Variants in ATRNL1 observed in about 807,000 individuals in gnomAD.
The protein encoded by ATRNL1 is attractin like 1, also known as attractin-like protein 1.
Under a neutral mutation model 182.7 loss-of-function variants are expected in ATRNL1, and 95 were observed. The ratio of observed to expected loss-of-function variants is 0.52; its 90% CI spans 0.44 to 0.62. The LOEUF (loss-of-function observed/expected upper bound fraction) is 0.62, where lower values mean the gene tolerates loss of function less well. ATRNL1 is among the 20% of genes least tolerant of loss of function. The pLI is 0.00. For synonymous variants in ATRNL1, 576 were observed against 568.3 expected (o/e 1.01, Z -0.19); for missense variants, 1,471 against 1,679.5 (o/e 0.88, Z 2.17).
chr10:115,832,214 T>A (rs143710234), intron 27 of ATRNL1, among the ~76,000 whole-genome samples: 1 of 152,294 alleles, frequency 6.6e-6, no homozygotes, highest in East Asian at 1.9e-4. Context: ...CAGAAAGCTA[T>A]CAAATAGCCA....
chr10:115,345,705 A>G (rs1269131850), intron 19 of ATRNL1, among the ~76,000 whole-genome samples: 2 of 151,990 alleles, frequency 1.3e-5, no homozygotes, highest in Non-Finnish European at 2.9e-5. Flanking sequence ...ACCTTTATCT[A>G]TTTCTTAAAC....
At chr10:115,611,547 T>C (rs1383530992) in intron 26 of ATRNL1, among the ~76,000 whole-genome samples, 2 of 152,166 alleles carry the variant, frequency 1.3e-5, no homozygotes, top group Non-Finnish European at 2.9e-5. Context: ...CAGGTGTTTA[T>C]ATTCTACTGT....
At chr10:115,248,230 C>T (rs1436987414) in intron 10 of ATRNL1, among the ~76,000 whole-genome samples, 1 of 152,044 alleles carries the variant, frequency 6.6e-6, no homozygotes, top group Non-Finnish European at 1.5e-5. Flanking sequence ...ATGCCAGTTA[C>T]CCTGATCTGA....
At chr10:115,798,452 T>C (rs991485520) in intron 27 of ATRNL1, among the ~76,000 whole-genome samples, 1 of 152,172 alleles carries the variant, frequency 6.6e-6, no homozygotes, top group Non-Finnish European at 1.5e-5. Flanking sequence ...TAACTGACTG[T>C]GTGTTCTTAC....
At chr10:115,832,725 C>T (rs190945165) in intron 27 of ATRNL1, among the ~76,000 whole-genome samples, 1 of 152,298 alleles carries the variant, frequency 6.6e-6, no homozygotes, top group East Asian at 1.9e-4. Flanking sequence ...CACTTCTAAA[C>T]CCACAACTGA....
chr10:115,910,986 G>A (rs565804272), intron 28 of ATRNL1, among the ~76,000 whole-genome samples: 6 of 152,140 alleles, frequency 3.9e-5, no homozygotes, highest in South Asian at 4.2e-4. Flanking sequence ...TGTAAAACTC[G>A]TTGTATTTTT....
At chr10:115,603,739 A>C (rs1210560983) in intron 26 of ATRNL1, among the ~76,000 whole-genome samples, 2 of 152,146 alleles carry the variant, frequency 1.3e-5, no homozygotes, top group African/African-American at 4.8e-5. Flanking sequence ...TATTTACCCT[A>C]TCCATTGCTC....
intron 25 of ATRNL1, among the ~76,000 whole-genome samples, chr10:115,546,811 CA>C (rs1852683377): frequency 6.6e-6 from 1 of 152,072 alleles, no homozygotes; most frequent in South Asian, 2.1e-4. Context: ...GCCTGGAGAA[CA>C]AAAACATTCC....
chr10:115,845,558 C>T lies in ATRNL1; in HGVS notation c.3904-2319C>T, dbSNP rs1555098498. Among the ~76,000 whole-genome samples, 4 of 151,994 alleles carry T rather than the reference C, an allele frequency of 2.6e-5. No homozygotes were observed. The South Asian group carries it at 8.3e-4, about 32-fold the overall frequency. On this transcript the variant is annotated intron_variant, in intron 27 of 28. Transcript: ENST00000355044. Reference sequence around the variant, plus strand: ...TATTTTCTGCTTGTGTTAAAAGTGGCAGAAAGATAGCCTGGCAAAAAGATC... The same window carrying T: ...TATTTTCTGCTTGTGTTAAAAGTGGTAGAAAGATAGCCTGGCAAAAAGATC...
rs782031896 is a variant in ATRNL1 at position 115,093,851 on chromosome 10, C to A, written c.101C>A (p.Ser34Tyr). ...GGCGGCGGCGGCGGGGGCGCCTCCT[C>A]CTGGCTGCTGGACGGGAACAGCTGG... Reference protein sequence around the residue: ...PAGGGGGGASSWLLDGNSWLL... With the variant: ...PAGGGGGGASYWLLDGNSWLL... Residue 34 changes from serine to tyrosine, a missense_variant, in exon 1 of 29, where the codon TCC becomes TAC. Around this residue, in one of 3 missense-constraint regions of ATRNL1, gnomAD observed 1,031 missense variants for 1,156.0 expected, o/e 0.89. Transcript: ENST00000355044. The surrounding 1 kb of genome is among the most constrained non-coding windows in gnomAD (Gnocchi z 6.1). The A allele has an allele frequency of 3.2e-6, 5 of 1,552,394 alleles. No individual in the cohort carries two copies. The highest frequency in any genetic ancestry group is 2.6e-6 in the Non-Finnish European group (3 of 1,153,366).
chr10:115,469,372 TAAGAA>T, intron 24 of ATRNL1, 43 bp downstream of exon 24: 1 of 1,282,870 alleles, frequency 7.8e-7, no homozygotes, highest in Non-Finnish European at 1.1e-6. Flanking sequence ...ATAATATCAT[TAAGAA>T]AAGAATGGTG....
chr10:115,817,417 C>T (rs939057243), intron 27 of ATRNL1, among the ~76,000 whole-genome samples: 70 of 152,052 alleles, frequency 4.6e-4, no homozygotes, highest in Admixed American at 4.6e-3. Flanking sequence ...ATTTATTTAA[C>T]CAATATTTAT....
intron 27 of ATRNL1, among the ~76,000 whole-genome samples, chr10:115,758,293 A>G (rs1412352576): frequency 4.6e-5 from 7 of 151,850 alleles, no homozygotes; most frequent in African/African-American, 1.7e-4. Flanking sequence ...CCCCATCTTC[A>G]TGGATTTTTC....
intron 8 of ATRNL1, among the ~76,000 whole-genome samples, chr10:115,203,759 T>C (rs1465116572): frequency 6.9e-6 from 1 of 145,576 alleles, no homozygotes; most frequent in Non-Finnish European, 1.5e-5. Context: ...TTTTTTTTTT[T>C]TTTTTTTTTG....
intron 25 of ATRNL1, among the ~76,000 whole-genome samples, chr10:115,534,803 T>G (rs1444787313): frequency 6.6e-6 from 1 of 151,068 alleles, no homozygotes; most frequent in Non-Finnish European, 1.5e-5. Flanking sequence ...GCAGGCCTGG[T>G]GGTGACAAAA....
intron 26 of ATRNL1, among the ~76,000 whole-genome samples, chr10:115,699,326 T>C (rs1555050799): frequency 6.6e-6 from 1 of 152,158 alleles, no homozygotes; most frequent in Admixed American, 6.5e-5. Context: ...ATCAAGAATA[T>C]CCAAGACACT....
At chr10:115,785,350 T>C (rs1403452431) in intron 27 of ATRNL1, among the ~76,000 whole-genome samples, 5 of 152,250 alleles carry the variant, frequency 3.3e-5, no homozygotes, top group African/African-American at 9.6e-5. Flanking sequence ...TGTGGGCCTT[T>C]GTTGGGGCAT....
chr10:115,301,426 AT>A (rs1554924432), intron 16 of ATRNL1, among the ~76,000 whole-genome samples: 2 of 152,148 alleles, frequency 1.3e-5, no homozygotes, highest in African/African-American at 4.8e-5. Flanking sequence ...CTTGTGTAAT[AT>A]TTTATGATAA....
rs1555007886 is a variant in ATRNL1 at position 115,582,295 on chromosome 10, T to G, written c.3795+32759T>G. 6.1e-5 allele frequency among the ~76,000 whole-genome samples: 9 copies of G among 148,150 alleles called. 1 individual carries two copies. The South Asian group carries it at 2.0e-3, about 33-fold the overall frequency. ...TGACTGGGTCAAATGGTATTTCTAG[T>G]TCTAGATCCCTGAGGAATCGCCACA... On this transcript the variant is annotated intron_variant, in intron 26 of 28. Transcript: ENST00000355044.
Sources: allele counts gnomAD v4.1 joint callset (sites outside exome capture counted in the v4.1 genomes callset), GRCh38; gene constraint gnomAD v4.1.1; regional missense constraint gnomAD v4.1.1; non-coding constraint Gnocchi (gnomAD v3.1); transcripts MANE v1.5; gene names NCBI Gene and HGNC (gene_info 2026-07-23, HGNC 2026-07-21).